The following PADI2 variants were observed in gnomAD, a reference collection of about 807,000 sequenced individuals.
PADI2 encodes peptidyl arginine deiminase 2.
A neutral mutation model predicts 81.1 loss-of-function variants in PADI2; 70 were observed. That is an observed-to-expected ratio of 0.86 (90% CI 0.71 to 1.05). PADI2 has a LOEUF of 1.05. Ranked by LOEUF, PADI2 falls within the 50% of genes least tolerant of loss-of-function variation. PADI2 has a pLI of 0.00. For missense variants in PADI2, 853 were observed against 889.9 expected (o/e 0.96, Z 0.53); for synonymous variants, 338 against 358.0 (o/e 0.94, Z 0.63).
chr1:17,073,647 C>T (rs1166299462), intron 13 of PADI2, among the ~76,000 whole-genome samples: 1 of 151,858 alleles, frequency 6.6e-6, no homozygotes, highest in African/African-American at 2.4e-5. Context: ...AGTTGAATGA[C>T]TAACTGTTGT....
rs1310096525 is a variant in PADI2 at position 17,086,634 on chromosome 1, A to G, written c.721T>C (p.Tyr241His). Residue 241 changes from tyrosine to histidine, a missense_variant, in exon 7 of 16, where the codon TAC becomes CAC. Physicochemically the swap from Tyr to His is moderately conservative, Grantham distance 83 (BLOSUM62 2). Coordinates refer to ENST00000375486, the MANE Select transcript of PADI2 (RefSeq NM_007365.3). Reference protein sequence around the residue: ...GRRKLYHVVKYTGGSAELLFF... With the variant: ...GRRKLYHVVKHTGGSAELLFF... ...AGCAGCTCCGCGGAGCCACCCGTGT[A>G]CTTGACCACATGGTAGAGCTTCCGC... is the stretch of plus-strand genomic sequence containing the variant. The G allele has an allele frequency of 2.5e-6, 4 of 1,613,982 alleles. No homozygotes were observed. The highest frequency in any genetic ancestry group is 3.4e-6 in the Non-Finnish European group (4 of 1,180,008).
At chr1:17,087,472 CTT>C (rs1557763973) in intron 6 of PADI2, among the ~76,000 whole-genome samples, 1 of 134,664 alleles carries the variant, frequency 7.4e-6, no homozygotes, top group East Asian at 2.5e-4. Context: ...CCATCACAGT[CTT>C]TTTATGTTTG....
chr1:17,070,022 G>A, intron 15 of PADI2, 66 bp downstream of exon 15: 1 of 1,546,110 alleles, frequency 6.5e-7, no homozygotes, highest in Non-Finnish European at 8.8e-7. Context: ...TTCAGCTGAG[G>A]GGTCCTTCTG....
chr1:17,104,915 G>C lies in PADI2; in HGVS notation c.239C>G (p.Thr80Ser). 1 of 1,596,260 alleles carries C rather than the reference G, an allele frequency of 6.3e-7. No homozygotes were observed. The highest frequency in any genetic ancestry group is 8.5e-7 in the Non-Finnish European group (1 of 1,172,952). ...GGCCTCGGTGCTCGCCTGGCTCATG[G>C]TGACCCGCAGGGTGGTGCTGGGCGA... ...LLSPSTTLRVTMSQASTEASS... is the reference protein window; with the variant it reads ...LLSPSTTLRVSMSQASTEASS... The change falls in exon 2 of 16, where the codon ACC (threonine) becomes AGC (serine). Residue 80 changes from threonine to serine, a missense_variant. Transcript: ENST00000375486.
At chr1:17,100,907 AC>A (rs1931120037) in intron 3 of PADI2, among the ~76,000 whole-genome samples, 1 of 151,740 alleles carries the variant, frequency 6.6e-6, no homozygotes, top group Non-Finnish European at 1.5e-5. Flanking sequence ...TGATCTGCCC[AC>A]CTTGGCCTCC....
At chr1:17,098,097 G>A (rs898518288) in intron 3 of PADI2, among the ~76,000 whole-genome samples, 7 of 151,758 alleles carry the variant, frequency 4.6e-5, no homozygotes, top group South Asian at 2.1e-4. Flanking sequence ...AGTGACCACC[G>A]AAGTTCCCAG....
At chr1:17,081,338 C>A (rs1006877139) in intron 10 of PADI2, among the ~76,000 whole-genome samples, 5 of 152,248 alleles carry the variant, frequency 3.3e-5, no homozygotes, top group Non-Finnish European at 7.3e-5. Context: ...GATATCATTT[C>A]TATCCCCATT....
intron 1 of PADI2, among the ~76,000 whole-genome samples, chr1:17,116,150 A>C (rs545904073): frequency 1.3e-5 from 2 of 152,338 alleles, no homozygotes; most frequent in Admixed American, 6.5e-5. Flanking sequence ...AGAGAAGTGA[A>C]GCGATTTGCT....
intron 3 of PADI2, 100 bp from the exon 4 acceptor site, chr1:17,096,070 A>T: frequency 1.2e-6 from 1 of 850,586 alleles, no homozygotes; most frequent in Non-Finnish European, 1.9e-6. Context: ...TCAGCCATTC[A>T]TTTGGTCACG....
intron 13 of PADI2, among the ~76,000 whole-genome samples, chr1:17,071,914 C>T (rs1244896982): frequency 1.3e-5 from 2 of 152,216 alleles, no homozygotes; most frequent in African/African-American, 4.8e-5. Context: ...TTGGCTGCTG[C>T]TCTGGAGTGG....
At chr1:17,083,635 C>A in intron 9 of PADI2, 91 bp downstream of exon 9, 1 of 776,632 alleles carries the variant, frequency 1.3e-6, no homozygotes, top group African/African-American at 1.7e-5. Flanking sequence ...ATCTGCAGAG[C>A]TGCTGGGTGC....
intron 4 of PADI2, among the ~76,000 whole-genome samples, chr1:17,094,578 T>A (rs1232995635): frequency 6.6e-6 from 1 of 152,222 alleles, no homozygotes; most frequent in Non-Finnish European, 1.5e-5. Context: ...AAACACTCCA[T>A]ATTTAATGTG....
chr1:17,099,142 G>A (rs181836475), intron 3 of PADI2, among the ~76,000 whole-genome samples: 1 of 152,334 alleles, frequency 6.6e-6, no homozygotes, highest in Admixed American at 6.5e-5. Flanking sequence ...CTCTGACCGA[G>A]AGGCACAAGC....
intron 10 of PADI2, among the ~76,000 whole-genome samples, chr1:17,082,087 G>A (rs1222929936): frequency 1.3e-5 from 2 of 152,116 alleles, no homozygotes; most frequent in Non-Finnish European, 2.9e-5. Flanking sequence ...GGGCGACAGA[G>A]CAAGACTCTT....
At chr1:17,094,917 T>G (rs1301624887) in intron 4 of PADI2, among the ~76,000 whole-genome samples, 1 of 152,148 alleles carries the variant, frequency 6.6e-6, no homozygotes, top group Non-Finnish European at 1.5e-5. Flanking sequence ...CTGGCCCTGG[T>G]CTCAGGCAAG....
chr1:17,084,823 C>T, intron 7 of PADI2, 121 bp from the exon 8 acceptor site: 1 of 637,600 alleles, frequency 1.6e-6, no homozygotes, highest in South Asian at 1.9e-5. Context: ...TTGCTATGCA[C>T]CAAGCCTGTG....
At chr1:17,072,539 A>G (rs143724319) in intron 13 of PADI2, among the ~76,000 whole-genome samples, 142 of 152,246 alleles carry the variant, frequency 9.3e-4, no homozygotes, top group African/African-American at 3.3e-3. Flanking sequence ...GCTCTTTGGC[A>G]TTGCCTGGTT....
chr1:17,068,832 G>T lies in PADI2; in HGVS notation c.*212C>A. On this transcript the variant is annotated 3_prime_UTR_variant, in exon 16 of 16. Transcript: ENST00000375486. Reference sequence around the variant, plus strand: ...AGAGACACTGGCCCAGCTATTTTCAGCAGGGACAGAGTCGAGGCTCACTGG... The same window carrying T: ...AGAGACACTGGCCCAGCTATTTTCATCAGGGACAGAGTCGAGGCTCACTGG... The T allele has an allele frequency of 1.7e-6, 1 of 589,336 alleles. No individual in the cohort carries two copies. The highest frequency in any genetic ancestry group is 2.0e-5 in the South Asian group (1 of 49,252). The allele number at this position is 589,336 out of a possible 1,614,324, so 36.5% of individuals were successfully genotyped here.
chr1:17,070,937 C>T (rs2078260703), intron 14 of PADI2, among the ~76,000 whole-genome samples: 1 of 152,192 alleles, frequency 6.6e-6, no homozygotes, highest in South Asian at 2.1e-4. Flanking sequence ...GTTGGGATTA[C>T]AGGCATGAGC....
Sources: allele counts gnomAD v4.1 joint callset (sites outside exome capture counted in the v4.1 genomes callset), GRCh38; gene constraint gnomAD v4.1.1; transcripts MANE v1.5; gene names NCBI Gene and HGNC (gene_info 2026-07-23, HGNC 2026-07-21).